GLIS1: variants seen among roughly 807,000 people sequenced by gnomAD.
GLIS1 encodes the protein zinc finger protein GLIS1.
Under a neutral mutation model 63.8 loss-of-function variants are expected in GLIS1, and 24 were observed. The observed-to-expected ratio is 0.38, with a 90% CI of 0.27 to 0.53. GLIS1 has a LOEUF of 0.53. Among genes scored for constraint, GLIS1 ranks in the 20% least tolerant of loss-of-function variants. The probability of loss-of-function intolerance (pLI) is 0.85; values close to 1 mark genes in which losing one functional copy is unlikely to be tolerated. For missense variants in GLIS1, 1,036 were observed against 1,074.1 expected, an observed-to-expected ratio of 0.96 and a Z score of 0.50; for synonymous variants, 450 against 482.5, an observed-to-expected ratio of 0.93 and a Z score of 0.88.
At chr1:53,561,216 A>G (rs1339080000) in intron 4 of GLIS1, among the ~76,000 whole-genome samples, 2 of 152,210 alleles carry the variant, frequency 1.3e-5, no homozygotes, top group African/African-American at 4.8e-5. Flanking sequence ...TTACACGGTA[A>G]GTGGGAGAGC....
rs1282962129 is a variant in GLIS1 at position 53,524,769 on chromosome 1, T to C, written c.1593+8A>G. Reference sequence around the variant, plus strand: ...TGGGAGGAGGCCAGATGAGGAGGGCTGGCTTACCTTCTTACGCACCTGCTG... The same window carrying C: ...TGGGAGGAGGCCAGATGAGGAGGGCCGGCTTACCTTCTTACGCACCTGCTG... On this transcript the variant is annotated splice_region_variant and intron_variant, in intron 6 of 10. Coordinates refer to ENST00000628545, the MANE Select transcript of GLIS1 (RefSeq NM_001367484.1). 2 of 1,608,342 alleles carry C rather than the reference T, an allele frequency of 1.2e-6. No individual in the cohort carries two copies. The highest frequency in any genetic ancestry group is 1.7e-6 in the Non-Finnish European group (2 of 1,175,570).
At chr1:53,605,493 G>A (rs942383968) in intron 2 of GLIS1, among the ~76,000 whole-genome samples, 1 of 152,164 alleles carries the variant, frequency 6.6e-6, no homozygotes, top group Non-Finnish European at 1.5e-5. Context: ...TGCCACTTAG[G>A]TGCGCCTTCT....
At chr1:53,685,919 T>G (rs1430597696) in intron 2 of GLIS1, among the ~76,000 whole-genome samples, 1 of 152,194 alleles carries the variant, frequency 6.6e-6, no homozygotes, top group East Asian at 1.9e-4. Flanking sequence ...CCAGCCAGCC[T>G]GTGGCCAGCC....
Position 53,524,866 on chromosome 1 carries a change from G to A in GLIS1, c.1504C>T (p.Pro502Ser), listed in dbSNP as rs75718807. Residue 502 changes from proline (P) to serine (S), a missense_variant, in exon 6 of 11, where the codon CCT (proline) becomes TCT (serine). Transcript: ENST00000628545. ...LDTKPYACQIPGCSKRYTDPS... is the reference protein window; with the variant it reads ...LDTKPYACQISGCSKRYTDPS... ...TCTGTGTAGCGCTTGGAGCAGCCAG[G>A]GATCTGACAGGCGTACGGCTTCTGT... The A allele has an allele frequency of 8.7e-6, 14 of 1,613,220 alleles. No individual in the cohort carries two copies. The African/African-American group carries it at 1.6e-4, about 18-fold the overall frequency.
intron 5 of GLIS1, among the ~76,000 whole-genome samples, chr1:53,527,698 G>A (rs529660691): frequency 2.6e-5 from 4 of 152,370 alleles, no homozygotes; most frequent in South Asian, 4.1e-4. Flanking sequence ...GGCCTGACCC[G>A]AGGGGCCTCT....
At chr1:53,632,932 G>A in intron 2 of GLIS1, among the ~76,000 whole-genome samples, 1 of 149,510 alleles carries the variant, frequency 6.7e-6, no homozygotes, top group African/African-American at 2.5e-5. Flanking sequence ...GAGTGTGACT[G>A]AGGGGCATGT....
intron 2 of GLIS1, among the ~76,000 whole-genome samples, chr1:53,736,341 G>C (rs950650473): frequency 6.6e-6 from 1 of 152,202 alleles, no homozygotes; most frequent in Non-Finnish European, 1.5e-5. Flanking sequence ...TCACCATAGC[G>C]TGGAACAAAG....
intron 2 of GLIS1, among the ~76,000 whole-genome samples, chr1:53,701,861 T>C (rs1368444481): frequency 6.6e-6 from 1 of 151,496 alleles, no homozygotes; most frequent in African/African-American, 2.4e-5. Flanking sequence ...GGCGTGGTGG[T>C]GGGCGCCTGT....
At chr1:53,608,533 T>A (rs1645394702) in intron 2 of GLIS1, among the ~76,000 whole-genome samples, 2 of 151,944 alleles carry the variant, frequency 1.3e-5, no homozygotes, top group African/African-American at 4.8e-5. Flanking sequence ...CAGATAAGAG[T>A]ATAGATTTTG....
Position 53,574,479 on chromosome 1 carries a change from C to T in GLIS1, c.1320+19629G>A, listed in dbSNP as rs182728675. Among the ~76,000 whole-genome samples, 1 of 152,228 alleles carries T rather than the reference C, an allele frequency of 6.6e-6. No homozygotes were observed. Among genetic ancestry groups the T allele is most frequent in the Admixed American group, 6.5e-5 (1 of 15,280 alleles). Reference sequence around the variant, plus strand: ...CCTGGGAGATTACCTGTATACTAATCCCCCTCTCAGGCTCTGCTCTGGGAC... The same window carrying T: ...CCTGGGAGATTACCTGTATACTAATTCCCCTCTCAGGCTCTGCTCTGGGAC... On this transcript the variant is annotated intron_variant, in intron 4 of 10. Coordinates refer to ENST00000628545, the MANE Select transcript of GLIS1 (RefSeq NM_001367484.1). This position sits in a 1 kb window ranked among gnomAD's most constrained non-coding sequence, Gnocchi z 4.2.
At chr1:53,507,354 A>C (rs1232486872) in intron 10 of GLIS1, among the ~76,000 whole-genome samples, 1 of 152,172 alleles carries the variant, frequency 6.6e-6, no homozygotes, top group African/African-American at 2.4e-5. Context: ...GCCTAAGGTC[A>C]CAGTGTGAGT....
intron 2 of GLIS1, among the ~76,000 whole-genome samples, chr1:53,676,277 C>G (rs1281179214): frequency 2.0e-5 from 3 of 152,188 alleles, no homozygotes; most frequent in East Asian, 1.9e-4. Context: ...CAGGGAAGAC[C>G]AGGCAGGAAT....
At chr1:53,670,973 C>T (rs1353659187) in intron 2 of GLIS1, among the ~76,000 whole-genome samples, 1 of 152,126 alleles carries the variant, frequency 6.6e-6, no homozygotes, top group Non-Finnish European at 1.5e-5. Flanking sequence ...TACTGTATGA[C>T]CACTATTTTG....
At chr1:53,659,852 T>C (rs986558999) in intron 2 of GLIS1, among the ~76,000 whole-genome samples, 1 of 152,046 alleles carries the variant, frequency 6.6e-6, no homozygotes, top group African/African-American at 2.4e-5. Flanking sequence ...GAGATAAGAG[T>C]AGTTAGAACA....
chr1:53,589,654 G>A (rs1260215814), intron 4 of GLIS1, among the ~76,000 whole-genome samples: 2 of 152,202 alleles, frequency 1.3e-5, no homozygotes, highest in Non-Finnish European at 2.9e-5. Flanking sequence ...GTGGAGAGGG[G>A]CGTAAGGAAT....
chr1:53,708,284 CA>C (rs1294683718), intron 2 of GLIS1, among the ~76,000 whole-genome samples: 14 of 145,720 alleles, frequency 9.6e-5, no homozygotes, highest in Non-Finnish European at 1.4e-4. Flanking sequence ...GACTTCATCT[CA>C]AAAAAAAAAG....
chr1:53,676,348 C>T (rs1191655121), intron 2 of GLIS1, among the ~76,000 whole-genome samples: 1 of 152,288 alleles, frequency 6.6e-6, no homozygotes, highest in South Asian at 2.1e-4. Context: ...AAGCATCCAC[C>T]CTTCCCCAAC....
chr1:53,508,851 C>T (rs1332480431), intron 10 of GLIS1, among the ~76,000 whole-genome samples: 2 of 152,254 alleles, frequency 1.3e-5, no homozygotes, highest in Admixed American at 1.3e-4. Flanking sequence ...CATGAGCTCC[C>T]AGTCCGATTC....
chr1:53,556,495 TGTGTGTGTGGTGTACTGCAG>T, intron 4 of GLIS1, among the ~76,000 whole-genome samples: 1 of 127,610 alleles, frequency 7.8e-6, no homozygotes, highest in Non-Finnish European at 1.6e-5. Context: ...GTACTGCAGG[TGTGTGTGTGGTGTACTGCAG>T]ATGTGTGTGC....
Sources: gnomAD v4.1 joint callset for allele counts (sites outside exome capture counted in the v4.1 genomes callset) on GRCh38, gnomAD v4.1.1 for gene constraint, Gnocchi (gnomAD v3.1) non-coding constraint, MANE v1.5 for transcripts, NCBI Gene and HGNC (gene_info 2026-07-23, HGNC 2026-07-21) for gene names.